The following MAP3K5 variants were observed in gnomAD, a reference collection of about 807,000 sequenced individuals.
The protein encoded by MAP3K5 is ASK-1.
MAP3K5 carries 56 observed loss-of-function variants against 158.7 expected under a neutral mutation model. That is an observed-to-expected ratio of 0.35 (90% CI 0.28 to 0.44). The LOEUF (loss-of-function observed/expected upper bound fraction) is 0.44, where lower values mean the gene tolerates loss of function less well. Ranked by LOEUF, MAP3K5 falls within the 20% of genes least tolerant of loss-of-function variation. MAP3K5 has a pLI of 1.00. For missense variants in MAP3K5, 1,294 were observed against 1,674.8 expected (o/e 0.77, Z 3.97); for synonymous variants, 579 against 601.7 (o/e 0.96, Z 0.55).
chr6:136,579,950 C>T (rs1461873603), intron 25 of MAP3K5: 4 of 434,448 alleles, frequency 9.2e-6, no homozygotes, highest in South Asian at 3.3e-5. Flanking sequence ...TTGCTCAATA[C>T]ATTGGAAGAT....
chr6:136,569,090 T>C (rs1332508880), intron 25 of MAP3K5, among the ~76,000 whole-genome samples: 1 of 152,014 alleles, frequency 6.6e-6, no homozygotes, highest in Non-Finnish European at 1.5e-5. Context: ...ATAAAGATCA[T>C]AAGGCTGACA....
At chr6:136,644,727 G>A (rs1282053037) in intron 11 of MAP3K5, among the ~76,000 whole-genome samples, 1 of 152,124 alleles carries the variant, frequency 6.6e-6, no homozygotes, top group Admixed American at 6.6e-5. Flanking sequence ...AATTGGCCAC[G>A]GTAAGTCCAT....
intron 1 of MAP3K5, among the ~76,000 whole-genome samples, chr6:136,727,030 C>G (rs1388161797): frequency 6.6e-6 from 1 of 152,120 alleles, no homozygotes; most frequent in Non-Finnish European, 1.5e-5. Context: ...ACTGTTTAAA[C>G]AGTAATATTT....
At chr6:136,677,467 GACATT>G (rs1779758056) in intron 7 of MAP3K5, among the ~76,000 whole-genome samples, 1 of 152,158 alleles carries the variant, frequency 6.6e-6, no homozygotes, top group East Asian at 1.9e-4. Context: ...TGCTATCTCA[GACATT>G]TTAGGGTAAG....
chr6:136,788,479 T>C (rs1784935373), intron 1 of MAP3K5, among the ~76,000 whole-genome samples: 1 of 151,532 alleles, frequency 6.6e-6, no homozygotes, highest in Non-Finnish European at 1.5e-5. Flanking sequence ...ATTAAGAGAG[T>C]ACAAAGACAA....
At chr6:136,684,052 C>T (rs113194702) in intron 7 of MAP3K5, among the ~76,000 whole-genome samples, 3 of 151,888 alleles carry the variant, frequency 2.0e-5, no homozygotes, top group Admixed American at 6.6e-5. Context: ...GGCCACATAG[C>T]GAGATCCCAT....
chr6:136,660,087 C>CT (rs1465366858), intron 8 of MAP3K5, among the ~76,000 whole-genome samples: 1 of 152,080 alleles, frequency 6.6e-6, no homozygotes, highest in Admixed American at 6.6e-5. Context: ...TAACCTTCTT[C>CT]TTTGTCTTTT....
chr6:136,684,707 G>T (rs761082335), intron 7 of MAP3K5, among the ~76,000 whole-genome samples: 33 of 152,116 alleles, frequency 2.2e-4, no homozygotes, highest in Non-Finnish European at 3.4e-4. Context: ...TTCTCCTGCA[G>T]CCCAAGTTGT....
chr6:136,759,353 C>T (rs545388930), intron 1 of MAP3K5, among the ~76,000 whole-genome samples: 12 of 149,460 alleles, frequency 8.0e-5, no homozygotes, highest in Admixed American at 6.7e-4. Context: ...GATAAAAAGG[C>T]AAAAGTCAGT....
chr6:136,763,365 T>C (rs1004493752), intron 1 of MAP3K5, among the ~76,000 whole-genome samples: 1 of 152,082 alleles, frequency 6.6e-6, no homozygotes, highest in East Asian at 1.9e-4. Flanking sequence ...GATCTTTAGC[T>C]GTCTTGTCTC....
intron 1 of MAP3K5, among the ~76,000 whole-genome samples, chr6:136,722,194 A>G (rs184606848): frequency 7.9e-5 from 12 of 152,380 alleles, no homozygotes; most frequent in Admixed American, 7.2e-4. Flanking sequence ...AATACAATTT[A>G]GTAAGGCATC....
intron 23 of MAP3K5, among the ~76,000 whole-genome samples, chr6:136,591,633 T>A (rs1271473184): frequency 1.3e-5 from 2 of 152,254 alleles, no homozygotes; most frequent in African/African-American, 4.8e-5. Flanking sequence ...TATGTAATTT[T>A]GCTTCAGTCA....
chr6:136,618,325 G>A (rs1320217515), intron 15 of MAP3K5, among the ~76,000 whole-genome samples: 1 of 152,224 alleles, frequency 6.6e-6, no homozygotes, highest in African/African-American at 2.4e-5. Flanking sequence ...AGAGTTGTCT[G>A]CGATCTCTTT....
chr6:136,718,543 T>C (rs377364588), intron 2 of MAP3K5, among the ~76,000 whole-genome samples: 2 of 152,178 alleles, frequency 1.3e-5, no homozygotes, highest in Non-Finnish European at 2.9e-5. Context: ...ACCTAGCACA[T>C]AGTGAATACT....
At chr6:136,567,362 T>C (rs1774160963) in intron 26 of MAP3K5, among the ~76,000 whole-genome samples, 1 of 152,164 alleles carries the variant, frequency 6.6e-6, no homozygotes, top group Admixed American at 6.5e-5. Flanking sequence ...AGACAGTCTA[T>C]GAGGCTACAA....
chr6:136,713,070 C>G (rs1781378798), intron 2 of MAP3K5, among the ~76,000 whole-genome samples: 1 of 152,108 alleles, frequency 6.6e-6, no homozygotes, highest in South Asian at 2.1e-4. Context: ...TAAAAAGGCC[C>G]AAAGAGGGTG....
chr6:136,697,506 T>G, intron 4 of MAP3K5, 119 bp from the exon 5 acceptor site: 1 of 724,684 alleles, frequency 1.4e-6, no homozygotes, highest in Non-Finnish European at 2.1e-6. Context: ...ATTTGTAGTT[T>G]TCAGTTCATT....
At chr6:136,602,405 C>T (rs769825649) in intron 19 of MAP3K5, among the ~76,000 whole-genome samples, 22 of 152,096 alleles carry the variant, frequency 1.4e-4, no homozygotes, top group Admixed American at 2.6e-4. Flanking sequence ...CAGGCTCAAG[C>T]GAGTCTTTCA....
intron 7 of MAP3K5, among the ~76,000 whole-genome samples, chr6:136,690,494 A>T (rs1015354255): frequency 2.6e-5 from 4 of 152,216 alleles, no homozygotes; most frequent in African/African-American, 9.6e-5. Context: ...ACATTTCTCT[A>T]ACATCCTGGC....
Sources: gnomAD v4.1 joint callset for allele counts (sites outside exome capture counted in the v4.1 genomes callset) on GRCh38, gnomAD v4.1.1 for gene constraint, MANE v1.5 for transcripts, NCBI Gene and HGNC (gene_info 2026-07-23, HGNC 2026-07-21) for gene names.